The following SERPINH1 variants were observed in gnomAD, a reference collection of about 807,000 sequenced individuals.
SERPINH1 encodes the protein serpin H1.
In SERPINH1, 22 loss-of-function variants were observed where a neutral mutation model predicts 32.3. That is an observed-to-expected ratio of 0.68 (90% CI 0.49 to 0.97). The LOEUF (loss-of-function observed/expected upper bound fraction) is 0.97. Ranked by LOEUF, SERPINH1 falls within the 50% of genes least tolerant of loss-of-function variation. The pLI is 0.00. For synonymous variants in SERPINH1, 251 were observed against 245.9 expected (o/e 1.02, Z -0.19); for missense variants, 543 against 576.4 (o/e 0.94, Z 0.59).
chr11:75,566,502 C>T lies in SERPINH1; in HGVS notation c.153C>T (p.Ala51=). 2 of 1,612,452 alleles carry T rather than the reference C, an allele frequency of 1.2e-6. No homozygotes were observed. Among genetic ancestry groups the T allele is most frequent in the Non-Finnish European group, 1.7e-6 (2 of 1,179,812 alleles). Residue 51 remains alanine (A), a synonymous_variant, in exon 2 of 5, where the codon GCC becomes GCT. Transcript: ENST00000358171. Reference sequence around the variant, plus strand: ...TTGCCGAGCGCAGCGCCGGCCTGGCCTTCAGCTTGTACCAGGCCATGGCCA... The same window carrying T: ...TTGCCGAGCGCAGCGCCGGCCTGGCTTTCAGCTTGTACCAGGCCATGGCCA... The part of the protein sequence containing the change: ...ATLAERSAGL[A]FSLYQAMAKD...
rs921558057 is a variant in SERPINH1 at position 75,562,255 on chromosome 11, G to C, written c.-99G>C. 1 of 152,278 alleles carries C rather than the reference G, an allele frequency of 6.6e-6. No individual in the cohort carries two copies. The highest frequency in any genetic ancestry group is 1.5e-5 in the Non-Finnish European group (1 of 68,112). The allele number at this position is 152,278 out of a possible 1,614,324, so 9.4% of individuals were successfully genotyped here. On this transcript the variant is annotated 5_prime_UTR_variant, in exon 1 of 5. Coordinates refer to ENST00000358171, the MANE Select transcript of SERPINH1 (RefSeq NM_001235.5). ...TCCCGGGAGCAGGGGAGCGGGCTAA[G>C]AGTAGAATCGTGTCGCGGCTCGAGA...
chr11:75,568,992 C>A lies in SERPINH1; in HGVS notation c.775C>A (p.Pro259Thr), dbSNP rs1459090987. Residue 259 changes from proline to threonine, a missense_variant, in exon 4 of 5, where the codon CCC (proline) becomes ACC (threonine). Pro to Thr is a conservative substitution (Grantham distance 38). Coordinates refer to ENST00000358171, the MANE Select transcript of SERPINH1 (RefSeq NM_001235.5). ...GGAAAAGCTGCAAATCGTGGAGATG[C>A]CCCTGGCCCACAAGCTCTCCAGCCT... is the stretch of plus-strand genomic sequence containing the variant. ...EKEKLQIVEM[P>T]LAHKLSSLII... The A allele has an allele frequency of 6.2e-7, 1 of 1,614,154 alleles. No homozygotes were observed. The highest frequency in any genetic ancestry group is 1.7e-5 in the Admixed American group (1 of 60,030).
Position 75,566,297 on chromosome 11 carries a change from G to A in SERPINH1, c.-34-19G>A, listed in dbSNP as rs957964655. 15 of 1,579,922 alleles carry A rather than the reference G, an allele frequency of 9.5e-6. No individual in the cohort carries two copies. The African/African-American group carries it at 2.0e-4, about 21-fold the overall frequency. The stretch of plus-strand genomic sequence containing the variant: ...AGGCCTTGGGCTTCAAGACCACCCT[G>A]TCTGTGCAATCCTCACAGGCCCACC... On this transcript the variant is annotated intron_variant, in intron 1 of 4. Transcript: ENST00000358171.
chr11:75,568,321 G>T, intron 2 of SERPINH1: 3 of 295,766 alleles, frequency 1.0e-5, no homozygotes, highest in Non-Finnish European at 1.3e-5. Context: ...AAAAATTAAG[G>T]GTGGTCATGG....
intron 1 of SERPINH1, among the ~76,000 whole-genome samples, chr11:75,564,808 C>T (rs1322723853): frequency 2.0e-5 from 3 of 152,304 alleles, no homozygotes; most frequent in Admixed American, 6.5e-5. Context: ...ACCTTCAAGG[C>T]TCCGAGGAGG....
In SERPINH1 at chr11:75,572,432, A is replaced by AG. The variant is rs1942215634; in HGVS notation, c.*355dup. 7.3e-5 allele frequency: 27 copies of AG among 368,312 alleles called. No individual in the cohort carries two copies. Among genetic ancestry groups the AG allele is most frequent in the South Asian group, 5.9e-4 (26 of 43,708 alleles). 22.8% of individuals were successfully genotyped at this position (368,312 alleles called of 1,614,324 possible). On this transcript the variant is annotated 3_prime_UTR_variant, in exon 5 of 5. Coordinates refer to ENST00000358171, the MANE Select transcript of SERPINH1 (RefSeq NM_001235.5). ...CTCACCTGTGAGACCAAATTGAGCTAGGGGGGTCAGCCAGCCCTCTTCTGA... is the reference window on the plus strand; with the variant it reads ...CTCACCTGTGAGACCAAATTGAGCTAGGGGGGGTCAGCCAGCCCTCTTCTGA...
At position 75,566,327 on chromosome 11, in the gene SERPINH1, T is replaced by C. The variant is rs139447737; in HGVS notation, c.-23T>C. 2.4e-4 allele frequency: 384 copies of C among 1,601,798 alleles called. 3 individuals are homozygous for C. In the African/African-American group the frequency reaches 4.5e-3, roughly 19 times the overall value. The stretch of plus-strand genomic sequence containing the variant: ...TGCAATCCTCACAGGCCCACCGTGG[T>C]GCACGCAAACCACTTCCTGGCCATG... On this transcript the variant is annotated 5_prime_UTR_variant, in exon 2 of 5. Transcript: ENST00000358171.
rs1263626738 is a variant in SERPINH1 at position 75,571,918 on chromosome 11, C to T, written c.1092C>T (p.Asn364=). ...ATAFELDTDG[N]PFDQDIYGRE... is the part of the protein sequence containing the mutation. ...CCTTTGAGTTGGACACAGATGGCAA[C>T]CCCTTTGACCAGGACATCTACGGGC... The change falls in exon 5 of 5, where the codon AAC becomes AAT. Residue 364 remains asparagine, a synonymous_variant. Coordinates refer to ENST00000358171, the MANE Select transcript of SERPINH1 (RefSeq NM_001235.5). 4 of 1,614,120 alleles carry T rather than the reference C, an allele frequency of 2.5e-6. No individual in the cohort carries two copies. The African/African-American group carries it at 4.0e-5, about 16-fold the overall frequency.
intron 4 of SERPINH1, among the ~76,000 whole-genome samples, chr11:75,570,205 T>C (rs1565243781): frequency 6.6e-6 from 1 of 152,188 alleles, no homozygotes; most frequent in Non-Finnish European, 1.5e-5. Context: ...TTTCGTGTCA[T>C]TCTTTCCTTG....
chr11:75,566,712 C>T lies in SERPINH1; in HGVS notation c.363C>T (p.Ser121=). 1 of 1,610,994 alleles carries T rather than the reference C, an allele frequency of 6.2e-7. No homozygotes were observed. The highest frequency in any genetic ancestry group is 8.5e-7 in the Non-Finnish European group (1 of 1,178,910). ...AGCTGCTGCGCTCACTCAGCAACTC[C>T]ACGGCGCGCAACGTGACCTGGAAGC... ...LGELLRSLSN[S]TARNVTWKLG... Residue 121 remains serine, a synonymous_variant, in exon 2 of 5, where the codon TCC becomes TCT. Coordinates refer to ENST00000358171, the MANE Select transcript of SERPINH1 (RefSeq NM_001235.5).
At position 75,571,730 on chromosome 11, in the gene SERPINH1, G is replaced by A. The variant is rs528040772; in HGVS notation, c.955-51G>A. On this transcript the variant is annotated intron_variant, in intron 4 of 4. Transcript: ENST00000358171. ...GTATGGGGTGGAGGGTTTGAGGGTG[G>A]AGGAGCCTGGCAGCCATGGCCTCAC... 4 of 1,566,932 alleles carry A rather than the reference G, an allele frequency of 2.6e-6. No homozygotes were observed. In the East Asian group the frequency reaches 6.7e-5, roughly 26 times the overall value.
In SERPINH1 at chr11:75,568,814, A is replaced by T; in HGVS notation, c.706A>T (p.Met236Leu). The change falls in exon 3 of 5, where the codon ATG becomes TTG. Residue 236 changes from methionine to leucine, a missense_variant. Coordinates refer to ENST00000358171, the MANE Select transcript of SERPINH1 (RefSeq NM_001235.5). ...VTRSYTVGVM[M>L]MHRTGLYNYY... ...TCGGTCCTATACCGTGGGTGTCATG[A>T]TGATGCACCGGACAGGTAGGTGCTG... The T allele has an allele frequency of 6.2e-7, 1 of 1,613,276 alleles. No individual in the cohort carries two copies. Among genetic ancestry groups the T allele is most frequent in the Non-Finnish European group, 8.5e-7 (1 of 1,179,254 alleles).
At chr11:75,564,008 C>T (rs1440296598) in intron 1 of SERPINH1, among the ~76,000 whole-genome samples, 1 of 152,244 alleles carries the variant, frequency 6.6e-6, no homozygotes, top group East Asian at 1.9e-4. Context: ...TGCCTTCCCC[C>T]ATTCCTGCTG....
At chr11:75,563,565 G>A (rs897374164) in intron 1 of SERPINH1, 11 of 152,546 alleles carry the variant, frequency 7.2e-5, no homozygotes, top group Admixed American at 5.9e-4. Flanking sequence ...GGGACCTGGG[G>A]TGACCCCCTG....
chr11:75,566,397 C>T lies in SERPINH1; in HGVS notation c.48C>T (p.Ala16=). The T allele has an allele frequency of 2.5e-6, 4 of 1,610,642 alleles. No homozygotes were observed. The highest frequency in any genetic ancestry group is 2.5e-6 in the Non-Finnish European group (3 of 1,179,150). Residue 16 remains alanine (A), a synonymous_variant, in exon 2 of 5, where the codon GCC becomes GCT. Coordinates refer to ENST00000358171, the MANE Select transcript of SERPINH1 (RefSeq NM_001235.5). ...LLSAFCLLEA[A]LAAEVKKPAA... ...GCGCCTTCTGCCTCCTGGAGGCGGC[C>T]CTGGCCGCCGAGGTGAAGAAACCTG...
At chr11:75,568,642 C>T in intron 2 of SERPINH1, 89 bp from the exon 3 acceptor site, 2 of 829,960 alleles carry the variant, frequency 2.4e-6, no homozygotes, top group Middle Eastern at 3.4e-4. Flanking sequence ...AAGGATAAAT[C>T]AAGGTCTGCA....
At chr11:75,562,409 C>T (rs1941994100) in intron 1 of SERPINH1, 90 bp downstream of exon 1, 2 of 152,136 alleles carry the variant, frequency 1.3e-5, no homozygotes, top group Non-Finnish European at 2.9e-5. Flanking sequence ...GGCGAGGGGA[C>T]CCTGCGAAGC....
chr11:75,572,119 C>G lies in SERPINH1; in HGVS notation c.*36C>G, dbSNP rs756132470. 2 of 1,602,472 alleles carry G rather than the reference C, an allele frequency of 1.2e-6. No homozygotes were observed. Among genetic ancestry groups the G allele is most frequent in the East Asian group, 4.5e-5 (2 of 44,740 alleles). On this transcript the variant is annotated 3_prime_UTR_variant, in exon 5 of 5. Coordinates refer to ENST00000358171, the MANE Select transcript of SERPINH1 (RefSeq NM_001235.5). ...TGCACACAGGATGGCAGGAGGCATC[C>G]AAAGGCTCCTGAGACACATGGGTGC...
At chr11:75,571,642 ATGCC>A in intron 4 of SERPINH1, 135 bp from the exon 5 acceptor site, 1 of 747,250 alleles carries the variant, frequency 1.3e-6, no homozygotes, top group Non-Finnish European at 2.3e-6. Flanking sequence ...TGCCAGTGCC[ATGCC>A]TGGCATACAG....
Sources: allele counts gnomAD v4.1 joint callset (sites outside exome capture counted in the v4.1 genomes callset), GRCh38; gene constraint gnomAD v4.1.1; transcripts MANE v1.5; gene names NCBI Gene and HGNC (gene_info 2026-07-23, HGNC 2026-07-21).